The following SORCS3 variants were observed in gnomAD, a reference collection of about 807,000 sequenced individuals.
SORCS3 encodes the protein VPS10 domain-containing receptor SorCS3.
A neutral mutation model predicts 146.3 loss-of-function variants in SORCS3; 57 were observed. The observed-to-expected ratio is 0.39, with a 90% CI of 0.31 to 0.49. The LOEUF (loss-of-function observed/expected upper bound fraction) is 0.49, where lower values mean the gene tolerates loss of function less well. Among genes scored for constraint, SORCS3 ranks in the 20% least tolerant of loss-of-function variants. The pLI is 0.92. For missense variants in SORCS3, 1,341 were observed against 1,575.5 expected (o/e 0.85, Z 2.52); for synonymous variants, 653 against 618.5 (o/e 1.06, Z -0.83).
intron 1 of SORCS3, among the ~76,000 whole-genome samples, chr10:104,813,784 C>T (rs560715270): frequency 2.0e-5 from 3 of 151,582 alleles, no homozygotes; most frequent in East Asian, 1.9e-4. Context: ...GTAACCAGGA[C>T]GATAATGTTT....
chr10:104,730,554 C>T (rs1389011971), intron 1 of SORCS3, among the ~76,000 whole-genome samples: 1 of 152,210 alleles, frequency 6.6e-6, no homozygotes, highest in Non-Finnish European at 1.5e-5. Context: ...GCTTTTCTCT[C>T]CATGTTTTCC....
chr10:105,061,227 C>A (rs1408011572), intron 5 of SORCS3, among the ~76,000 whole-genome samples: 1 of 150,764 alleles, frequency 6.6e-6, no homozygotes, highest in African/African-American at 2.4e-5. Flanking sequence ...GAAGAAAGTT[C>A]TCTGAGTAGT....
At chr10:105,067,072 G>C (rs920873546) in intron 5 of SORCS3, among the ~76,000 whole-genome samples, 8 of 152,000 alleles carry the variant, frequency 5.3e-5, no homozygotes, top group Non-Finnish European at 1.0e-4. Flanking sequence ...ACTCTCTCTT[G>C]GTTCACTATC....
intron 19 of SORCS3, 78 bp downstream of exon 19, chr10:105,217,200 G>T: frequency 3.4e-6 from 5 of 1,463,148 alleles, no homozygotes; most frequent in Non-Finnish European, 4.7e-6. Flanking sequence ...CTAAAATTCA[G>T]AGCTGAGCCC....
intron 7 of SORCS3, among the ~76,000 whole-genome samples, chr10:105,119,041 C>T (rs1275755338): frequency 6.6e-6 from 1 of 152,190 alleles, no homozygotes; most frequent in Non-Finnish European, 1.5e-5. Flanking sequence ...AGAAGCCCCT[C>T]TCATCACAGT....
chr10:104,954,491 G>A (rs1467157078), intron 3 of SORCS3, among the ~76,000 whole-genome samples: 3 of 152,092 alleles, frequency 2.0e-5, no homozygotes, highest in African/African-American at 4.8e-5. Context: ...GAGAGCATTC[G>A]GGCATAGCAT....
chr10:105,105,594 T>C (rs1277337790), intron 7 of SORCS3, 79 bp downstream of exon 7: 4 of 983,602 alleles, frequency 4.1e-6, no homozygotes, highest in African/African-American at 1.6e-5. Flanking sequence ...GAGGGTGGCT[T>C]TCCCAAGGTT....
chr10:104,795,428 T>C (rs1035370761), intron 1 of SORCS3, among the ~76,000 whole-genome samples: 6 of 152,220 alleles, frequency 3.9e-5, no homozygotes, highest in African/African-American at 1.2e-4. Context: ...TTTGTATTCC[T>C]AGAAAATTCA....
At chr10:104,928,281 T>C (rs2019170674) in intron 3 of SORCS3, among the ~76,000 whole-genome samples, 1 of 152,136 alleles carries the variant, frequency 6.6e-6, no homozygotes, top group African/African-American at 2.4e-5. Flanking sequence ...CTCAGACTGA[T>C]GAGATGCCTG....
chr10:104,819,971 A>G (rs1482060045), intron 1 of SORCS3, among the ~76,000 whole-genome samples: 1 of 152,156 alleles, frequency 6.6e-6, no homozygotes. Context: ...TTTAGAATGG[A>G]AAGTTGGCTT....
chr10:104,669,170 T>C (rs902719192), intron 1 of SORCS3, among the ~76,000 whole-genome samples: 1 of 152,226 alleles, frequency 6.6e-6, no homozygotes, highest in Non-Finnish European at 1.5e-5. Flanking sequence ...TCAGCATGTT[T>C]ATTGATGTAT....
At chr10:104,953,376 C>T (rs1393688971) in intron 3 of SORCS3, among the ~76,000 whole-genome samples, 2 of 152,144 alleles carry the variant, frequency 1.3e-5, no homozygotes, top group South Asian at 4.1e-4. Context: ...AAATGATGTC[C>T]TTGCTGTAGG....
chr10:104,642,022 G>GGGGGGGGGGGGGGGGCCCCCCC, intron 1 of SORCS3, 68 bp downstream of exon 1: 10 of 173,330 alleles, frequency 5.8e-5, no homozygotes, highest in East Asian at 1.5e-4. Flanking sequence ...GGGTGGGTGG[G>GGGGGGGGGGGGGGGGCCCCCCC]AGCGAGGGAC....
rs71022748 is a variant in SORCS3, at chr10:104,940,204, T to TTATATATATATATATA, written c.795+24292_795+24307dup. Among the ~76,000 whole-genome samples the TTATATATATATATATA allele has an allele frequency of 4.1e-3, 216 of 52,780 alleles. 1 individual carries two copies. Among genetic ancestry groups the TTATATATATATATATA allele is most frequent in the South Asian group, 7.0e-3 (7 of 1,004 alleles). The allele number at this position is 52,780 out of a possible 152,430, so 34.6% of individuals were successfully genotyped here. A position where few individuals can be genotyped will look rare whatever the true frequency, so the allele number is the denominator to read the frequency against. ...ACCGAGAGTTCCTCTTCCTTTTCTT[T>TTATATATATATATATA]TATATATATATATATATATATATAT... On this transcript the variant is annotated intron_variant, in intron 3 of 26. Transcript: ENST00000369701.
chr10:104,769,334 A>T (rs527560351), intron 1 of SORCS3, among the ~76,000 whole-genome samples: 1 of 152,284 alleles, frequency 6.6e-6, no homozygotes, highest in Admixed American at 6.5e-5. Context: ...GCCATCCCAG[A>T]TGCTGTGCCC....
chr10:105,028,698 T>C (rs2055245960), intron 4 of SORCS3, among the ~76,000 whole-genome samples: 1 of 152,174 alleles, frequency 6.6e-6, no homozygotes, highest in African/African-American at 2.4e-5. Flanking sequence ...CACAGGGTGG[T>C]CGTGGGGATT....
intron 1 of SORCS3, among the ~76,000 whole-genome samples, chr10:104,733,284 C>G (rs2016729283): frequency 6.6e-6 from 1 of 152,082 alleles, no homozygotes; most frequent in South Asian, 2.1e-4. Flanking sequence ...AATAGCTAGA[C>G]CTGATGTCCA....
chr10:104,645,521 T>C (rs2015483904), intron 1 of SORCS3, among the ~76,000 whole-genome samples: 1 of 152,174 alleles, frequency 6.6e-6, no homozygotes, highest in Admixed American at 6.5e-5. Context: ...CTCACATTGG[T>C]CTTCATTTCC....
intron 2 of SORCS3, among the ~76,000 whole-genome samples, chr10:104,877,205 T>C (rs946894480): frequency 6.6e-6 from 1 of 152,236 alleles, no homozygotes; most frequent in Middle Eastern, 3.4e-3. Context: ...TCTTAACCCG[T>C]ATTTCACCTA....
Sources: allele counts gnomAD v4.1 joint callset (sites outside exome capture counted in the v4.1 genomes callset), GRCh38; gene constraint gnomAD v4.1.1; transcripts MANE v1.5; gene names NCBI Gene and HGNC (gene_info 2026-07-23, HGNC 2026-07-21).